Variants in ADAMTS20 observed in about 807,000 individuals in gnomAD.
The protein encoded by ADAMTS20 is A disintegrin and metalloproteinase with thrombospondin motifs 20.
In ADAMTS20, 225 loss-of-function variants were observed where a neutral mutation model predicts 260.1. That is an observed-to-expected ratio of 0.87 (90% CI 0.78 to 0.97). ADAMTS20 has a LOEUF of 0.97. ADAMTS20 is among the 50% of genes least tolerant of loss of function. The pLI is 0.00. For synonymous variants in ADAMTS20, 802 were observed against 769.5 expected, an observed-to-expected ratio of 1.04 and a Z score of -0.70; for missense variants, 2,400 against 2,337.7, an observed-to-expected ratio of 1.03 and a Z score of -0.55.
At chr12:43,512,185 AT>A (rs1405164067) in intron 3 of ADAMTS20, among the ~76,000 whole-genome samples, 4 of 150,518 alleles carry the variant, frequency 2.7e-5, no homozygotes, top group African/African-American at 7.3e-5. Flanking sequence ...TATGAGGATA[AT>A]TTTTATATGA....
intron 3 of ADAMTS20, among the ~76,000 whole-genome samples, chr12:43,513,210 C>T (rs1190433823): frequency 6.6e-6 from 1 of 152,174 alleles, no homozygotes; most frequent in African/African-American, 2.4e-5. Context: ...TCTACCTCCT[C>T]CCACTATGTG....
chr12:43,493,058 T>C (rs537585906), intron 5 of ADAMTS20, 112 bp downstream of exon 5: 2 of 750,784 alleles, frequency 2.7e-6, no homozygotes, highest in African/African-American at 3.6e-5. Context: ...TCAAATCAAG[T>C]CTTTTAAAAT....
chr12:43,452,033 T>C (rs375906940), intron 14 of ADAMTS20, among the ~76,000 whole-genome samples: 7 of 152,114 alleles, frequency 4.6e-5, no homozygotes, highest in African/African-American at 1.4e-4. Flanking sequence ...ATGAGTACAA[T>C]AGACCACAGA....
chr12:43,452,783 T>G, intron 12 of ADAMTS20, 88 bp from the exon 13 acceptor site: 1 of 1,267,724 alleles, frequency 7.9e-7, no homozygotes, highest in Non-Finnish European at 1.1e-6. Flanking sequence ...TTCCAGGATC[T>G]AGAAAACCAG....
At chr12:43,506,379 A>T (rs1942842519) in intron 3 of ADAMTS20, among the ~76,000 whole-genome samples, 1 of 152,230 alleles carries the variant, frequency 6.6e-6, no homozygotes, top group Non-Finnish European at 1.5e-5. Context: ...TCAGTTTGCA[A>T]GATGAAAAAG....
At position 43,376,527 on chromosome 12, in the gene ADAMTS20, C is replaced by A; in HGVS notation, c.5122G>T (p.Asp1708Tyr). 6.2e-7 allele frequency: 1 copy of A among 1,611,352 alleles called. No individual in the cohort carries two copies. The highest frequency in any genetic ancestry group is 1.1e-5 in the South Asian group (1 of 90,486). ...ATTTTTGAAGTCTACTACTTACAGT[C>A]ATTGGCATAACATTTCTTTTGAGCA... is the stretch of plus-strand genomic sequence containing the variant. ...PGAQKKCYAN[D>Y]CKSFTTCKEI... The change falls in exon 33 of 39, where the codon GAC becomes TAC. Residue 1708 changes from aspartate to tyrosine, a missense_variant. Physicochemically the swap from Asp to Tyr is radical, Grantham distance 160. Coordinates refer to ENST00000389420, the MANE Select transcript of ADAMTS20 (RefSeq NM_025003.5).
At chr12:43,383,107 G>T (rs1197339734) in intron 31 of ADAMTS20, among the ~76,000 whole-genome samples, 1 of 152,032 alleles carries the variant, frequency 6.6e-6, no homozygotes, top group East Asian at 1.9e-4. Flanking sequence ...GGAAAAGAGA[G>T]GGGGGAAAGA....
Position 43,375,300 on chromosome 12 carries a change from C to G in ADAMTS20, c.5446+79G>C, listed in dbSNP as rs1940198865. 3.5e-6 allele frequency: 5 copies of G among 1,445,876 alleles called. No homozygotes were observed. The African/African-American group carries it at 7.2e-5, about 21-fold the overall frequency. 89.6% of individuals were successfully genotyped at this position (1,445,876 alleles called of 1,614,324 possible). ...CAGGTCCTTCTCTGTACCCTGGCTA[C>G]AACATATACCAACATATTGTTTGAC... On this transcript the variant is annotated intron_variant, in intron 36 of 38. Transcript: ENST00000389420.
chr12:43,438,052 G>A (rs1941590140), intron 18 of ADAMTS20, among the ~76,000 whole-genome samples: 1 of 151,958 alleles, frequency 6.6e-6, no homozygotes. Context: ...TAACTTTAGA[G>A]AAACTAAAAA....
At chr12:43,370,849 T>A (rs973922126) in intron 36 of ADAMTS20, among the ~76,000 whole-genome samples, 1 of 152,222 alleles carries the variant, frequency 6.6e-6, no homozygotes, top group African/African-American at 2.4e-5. Flanking sequence ...TCCTGTAGTG[T>A]CTACCTCTTT....
intron 21 of ADAMTS20, 73 bp downstream of exon 21, chr12:43,432,231 T>G: frequency 6.9e-7 from 1 of 1,452,214 alleles, no homozygotes; most frequent in Non-Finnish European, 9.3e-7. Flanking sequence ...TTTTAAATTT[T>G]GTAAAGTCTT....
At chr12:43,363,526 G>A (rs563326938) in intron 37 of ADAMTS20, among the ~76,000 whole-genome samples, 2 of 152,112 alleles carry the variant, frequency 1.3e-5, no homozygotes, top group Non-Finnish European at 2.9e-5. Context: ...ATTGAGCAGG[G>A]GTGTTACTCT....
At chr12:43,396,050 TG>T (rs945810680) in intron 29 of ADAMTS20, among the ~76,000 whole-genome samples, 2 of 151,330 alleles carry the variant, frequency 1.3e-5, no homozygotes, top group African/African-American at 4.8e-5. Context: ...TTCCAGGAAG[TG>T]GGGGTGGGGT....
intron 7 of ADAMTS20, among the ~76,000 whole-genome samples, chr12:43,483,067 A>G (rs1228198500): frequency 1.3e-5 from 2 of 152,158 alleles, no homozygotes; most frequent in Admixed American, 1.3e-4. Flanking sequence ...GCTACTTATA[A>G]TGAAAGAAAT....
At chr12:43,479,298 G>A (rs1405448764) in intron 7 of ADAMTS20, among the ~76,000 whole-genome samples, 1 of 152,128 alleles carries the variant, frequency 6.6e-6, no homozygotes, top group Non-Finnish European at 1.5e-5. Flanking sequence ...GTTTCAATTA[G>A]TAATGTAATT....
chr12:43,366,012 G>A (rs1156528098), intron 37 of ADAMTS20, among the ~76,000 whole-genome samples: 1 of 151,592 alleles, frequency 6.6e-6, no homozygotes, highest in Non-Finnish European at 1.5e-5. Flanking sequence ...AAAACAAAAA[G>A]TAAAATGGCA....
At chr12:43,434,443 T>A in intron 18 of ADAMTS20, 72 bp from the exon 19 acceptor site, 1 of 1,466,182 alleles carries the variant, frequency 6.8e-7, no homozygotes, top group Non-Finnish European at 9.1e-7. Context: ...ATTATGTAAT[T>A]CTGCTAATAG....
At chr12:43,536,952 T>G (rs757315089) in intron 2 of ADAMTS20, among the ~76,000 whole-genome samples, 4 of 152,240 alleles carry the variant, frequency 2.6e-5, no homozygotes, top group African/African-American at 4.8e-5. Context: ...AACATAGTTT[T>G]AGTGAATGAG....
At chr12:43,546,922 T>C (rs945995449) in intron 2 of ADAMTS20, among the ~76,000 whole-genome samples, 2 of 152,140 alleles carry the variant, frequency 1.3e-5, no homozygotes, top group Non-Finnish European at 2.9e-5. Context: ...AAGAATTATA[T>C]ACATGTTAAA....
Sources: gnomAD v4.1 joint callset for allele counts (sites outside exome capture counted in the v4.1 genomes callset) on GRCh38, gnomAD v4.1.1 for gene constraint, MANE v1.5 for transcripts, NCBI Gene and HGNC (gene_info 2026-07-23, HGNC 2026-07-21) for gene names.